EEF2KMT: variants seen among roughly 807,000 people sequenced by gnomAD.
EEF2KMT encodes the protein eukaryotic elongation factor 2 lysine methyltransferase, also known as protein-lysine N-methyltransferase EEF2KMT.
In EEF2KMT, 30 loss-of-function variants were observed where a neutral mutation model predicts 35.1. The observed-to-expected ratio is 0.85, with a 90% confidence interval of 0.64 to 1.16. The LOEUF (loss-of-function observed/expected upper bound fraction) is 1.16, where lower values mean the gene tolerates loss of function less well. EEF2KMT is among the 50% of genes most tolerant of loss of function. The pLI is 0.00. For missense variants in EEF2KMT, 499 were observed against 438.2 expected (o/e 1.14, Z -1.24); for synonymous variants, 190 against 187.7 (o/e 1.01, Z -0.10).
At chr16:5,087,268 T>A (rs1190441513) in intron 7 of EEF2KMT, 1 of 152,214 alleles carries the variant, frequency 6.6e-6, no homozygotes, top group Non-Finnish European at 1.5e-5. Context: ...AGTTTACAGA[T>A]TTGCGTTGGG....
At chr16:5,097,223 C>T in intron 1 of EEF2KMT, 5 of 1,166,772 alleles carry the variant, frequency 4.3e-6, no homozygotes, top group Non-Finnish European at 5.6e-6. Flanking sequence ...GATGAGAATA[C>T]TGAGGCACGA....
At chr16:5,088,356 G>T (rs958045500) in intron 7 of EEF2KMT, among the ~76,000 whole-genome samples, 2 of 152,198 alleles carry the variant, frequency 1.3e-5, no homozygotes, top group African/African-American at 4.8e-5. Flanking sequence ...CAGGCACTGG[G>T]TTGTCTGTGT....
chr16:5,086,084 C>A (rs4786594), intron 7 of EEF2KMT, among the ~76,000 whole-genome samples: 38,475 of 152,112 alleles, frequency 0.25, 5,551 homozygotes, highest in Middle Eastern at 0.34. Context: ...GCCTGTAATC[C>A]CAACACTTTG....
chr16:5,093,117 G>C (rs1281388305), intron 3 of EEF2KMT, among the ~76,000 whole-genome samples: 1 of 152,262 alleles, frequency 6.6e-6, no homozygotes, highest in Non-Finnish European at 1.5e-5. Context: ...GGGCAACCCA[G>C]AGACGGACAA....
chr16:5,089,429 C>A (rs1226154512), intron 6 of EEF2KMT, 173 bp from the exon 7 acceptor site: 9 of 889,066 alleles, frequency 1.0e-5, no homozygotes, highest in Admixed American at 5.8e-5. Context: ...AAAGGAGAAC[C>A]CTTAGTAGAG....
chr16:5,089,792 T>A (rs866354469), intron 6 of EEF2KMT, among the ~76,000 whole-genome samples: 18 of 152,068 alleles, frequency 1.2e-4, no homozygotes, highest in African/African-American at 4.3e-4. Context: ...CCAGAAGTGG[T>A]TGTTTTCCTC....
intron 3 of EEF2KMT, among the ~76,000 whole-genome samples, chr16:5,092,441 G>T (rs1957360409): frequency 6.6e-6 from 1 of 152,222 alleles, no homozygotes; most frequent in African/African-American, 2.4e-5. Context: ...GGCAGCAGCA[G>T]AGTACACTGG....
At chr16:5,089,551 C>G (rs995774042) in intron 6 of EEF2KMT, 1 of 504,908 alleles carries the variant, frequency 2.0e-6, no homozygotes, top group African/African-American at 1.9e-5. Context: ...GACACAAAGC[C>G]TGACCCTGCC....
rs1957097146 is a variant in EEF2KMT, at chr16:5,084,871, T to G, written c.*761A>C. The G allele has an allele frequency of 6.3e-7, 1 of 1,595,432 alleles. No homozygotes were observed. The highest frequency in any genetic ancestry group is 8.5e-7 in the Non-Finnish European group (1 of 1,179,456). ...GTGCAGACTGTGCTCCCTTTGGTTATGGACACATAACTCCTGGGCCAGAGG... is the reference window on the plus strand; with the variant it reads ...GTGCAGACTGTGCTCCCTTTGGTTAGGGACACATAACTCCTGGGCCAGAGG... On this transcript the variant is annotated 3_prime_UTR_variant, in exon 8 of 8. Transcript: ENST00000427587.
At position 5,085,639 on chromosome 16, in the gene EEF2KMT, G is replaced by A. The variant is rs760584474; in HGVS notation, c.986C>T (p.Thr329Ile). ...EHLEMAMLNLTL is the reference protein window; with the variant it reads ...EHLEMAMLNLIL ...TGGAGTCGTGTGTGAGTCCTACAGG[G>A]TGAGATTCAGCATTGCCATCTCCAA... The change falls in exon 8 of 8, where the codon ACC (threonine) becomes ATC (isoleucine). Residue 329 changes from threonine to isoleucine, a missense_variant. By Grantham distance (89) the Thr-to-Ile change is moderately conservative. Coordinates refer to ENST00000427587, the MANE Select transcript of EEF2KMT (RefSeq NM_201400.4). The A allele has an allele frequency of 7.5e-6, 12 of 1,606,736 alleles. No individual in the cohort carries two copies. The highest frequency in any genetic ancestry group is 9.4e-6 in the Non-Finnish European group (11 of 1,175,036).
chr16:5,097,717 C>A lies in EEF2KMT; in HGVS notation c.23G>T (p.Gly8Val). The A allele has an allele frequency of 1.3e-6, 2 of 1,572,284 alleles. No individual in the cohort carries two copies. Among genetic ancestry groups the A allele is most frequent in the Non-Finnish European group, 1.7e-6 (2 of 1,164,230 alleles). The change falls in exon 1 of 8, where the codon GGG becomes GTG. Residue 8 changes from glycine to valine, a missense_variant. Gly to Val is a moderately radical substitution (Grantham distance 109). Coordinates refer to ENST00000427587, the MANE Select transcript of EEF2KMT (RefSeq NM_201400.4). ...GAAACTCTGCAGCAAGAGTTCGGTC[C>A]CCGCGTTCTCCTCGGGCGCCATGAC... Reference protein sequence around the residue: MAPEENAGTELLLQSFER... With the variant: MAPEENAVTELLLQSFER...
intron 4 of EEF2KMT, among the ~76,000 whole-genome samples, chr16:5,091,347 G>A (rs1957336487): frequency 6.6e-6 from 1 of 152,130 alleles, no homozygotes; most frequent in Non-Finnish European, 1.5e-5. Flanking sequence ...CTCCCAAAAT[G>A]CTGGGATTAC....
intron 6 of EEF2KMT, 104 bp from the exon 7 acceptor site, chr16:5,089,360 C>G (rs1957291917): frequency 6.8e-7 from 1 of 1,460,158 alleles, no homozygotes; most frequent in Non-Finnish European, 9.2e-7. Context: ...TCATATGAGA[C>G]TAGTAGATGC....
rs781531352 is a variant in EEF2KMT at position 5,097,283 on chromosome 16, C to T, written c.96+361G>A. ...GCGCTCAGGAGGACGTGGTTACCTGCGGTCCTGACGGCGCTGACTTTTTAG... is the reference window on the plus strand; with the variant it reads ...GCGCTCAGGAGGACGTGGTTACCTGTGGTCCTGACGGCGCTGACTTTTTAG... On this transcript the variant is annotated intron_variant, in intron 1 of 7. Coordinates refer to ENST00000427587, the MANE Select transcript of EEF2KMT (RefSeq NM_201400.4). 6.0e-6 allele frequency: 8 copies of T among 1,329,184 alleles called. No individual in the cohort carries two copies. The South Asian group carries it at 6.2e-5, about 10-fold the overall frequency. The allele number at this position is 1,329,184 out of a possible 1,614,324, so 82.3% of individuals were successfully genotyped here. A position where few individuals can be genotyped will look rare whatever the true frequency, so the allele number is the denominator to read the frequency against.
chr16:5,095,871 T>C (rs796539653), intron 1 of EEF2KMT, among the ~76,000 whole-genome samples: 20 of 120,338 alleles, frequency 1.7e-4, no homozygotes, highest in African/African-American at 5.7e-4. Context: ...CATACCAGCC[T>C]GAGTTACATT....
At position 5,085,243 on chromosome 16, in the gene EEF2KMT, A is replaced by G. The variant is rs1285923992; in HGVS notation, c.*389T>C. The G allele has an allele frequency of 1.7e-5, 9 of 519,160 alleles. No homozygotes were observed. The Admixed American group carries it at 2.6e-4, about 15-fold the overall frequency. The allele number at this position is 519,160 out of a possible 1,614,324, so 32.2% of individuals were successfully genotyped here. On this transcript the variant is annotated 3_prime_UTR_variant, in exon 8 of 8. Transcript: ENST00000427587. ...CCTAACATTTTGATTCCTGTCTTGA[A>G]AAAAGCACCTGCTGCACCGTAAGCC...
Position 5,093,666 on chromosome 16 carries a change from C to T in EEF2KMT, c.160-102G>A, listed in dbSNP as rs559326153. 124 of 1,568,928 alleles carry T rather than the reference C, an allele frequency of 7.9e-5. No individual in the cohort carries two copies. The African/African-American group carries it at 1.4e-3, about 18-fold the overall frequency. On this transcript the variant is annotated intron_variant, in intron 2 of 7. Coordinates refer to ENST00000427587, the MANE Select transcript of EEF2KMT (RefSeq NM_201400.4). ...AGGGCAAACTCCAGGCTACCCGATC[C>T]CTCAGCAAAGATGTAGATGGACACA...
Position 5,090,230 on chromosome 16 carries a change from C to T in EEF2KMT, c.596G>A (p.Gly199Glu). ...TGAGAGGCCATTGAGAAGGACATTC[C>T]CTCGGAGCTGCTCAAGGACCCGGCT... ...CHSRVLEQLR[G>E]NVLLNGLSLE... is the part of the protein sequence containing the mutation. The change falls in exon 6 of 8, where the codon GGG (glycine) becomes GAG (glutamate). Residue 199 changes from glycine to glutamate, a missense_variant. Gly to Glu is a moderately conservative substitution (Grantham distance 98). Coordinates refer to ENST00000427587, the MANE Select transcript of EEF2KMT (RefSeq NM_201400.4). The surrounding 1 kb of genome is among the most constrained non-coding windows in gnomAD (Gnocchi z 4.1). The T allele has an allele frequency of 6.2e-7, 1 of 1,612,044 alleles. No homozygotes were observed. The highest frequency in any genetic ancestry group is 8.5e-7 in the Non-Finnish European group (1 of 1,179,852).
At position 5,084,380 on chromosome 16, in the gene EEF2KMT, T is replaced by A; in HGVS notation, c.*1252A>T. The A allele has an allele frequency of 2.4e-6, 1 of 424,976 alleles. No individual in the cohort carries two copies. The highest frequency in any genetic ancestry group is 2.2e-5 in the South Asian group (1 of 44,678). The allele number at this position is 424,976 out of a possible 1,614,324, so 26.3% of individuals were successfully genotyped here. ...CCTGCAGGCTGTAGTTTGTGATCCT[T>A]GATTCAGACAGTTTAGCAAGGCTGC... On this transcript the variant is annotated 3_prime_UTR_variant, in exon 8 of 8. Transcript: ENST00000427587.
Sources: allele counts gnomAD v4.1 joint callset (sites outside exome capture counted in the v4.1 genomes callset), GRCh38; gene constraint gnomAD v4.1.1; non-coding constraint Gnocchi (gnomAD v3.1); transcripts MANE v1.5; gene names NCBI Gene and HGNC (gene_info 2026-07-23, HGNC 2026-07-21).